The following UEVLD variants were observed in gnomAD, a reference collection of about 807,000 sequenced individuals.
The protein encoded by UEVLD is UEV and lactate/malate dehyrogenase domains, also known as ubiquitin-conjugating enzyme E2 variant 3.
Under a neutral mutation model 58.6 loss-of-function variants are expected in UEVLD, and 47 were observed. The ratio of observed to expected loss-of-function variants is 0.80; its 90% confidence interval spans 0.63 to 1.02. The LOEUF (loss-of-function observed/expected upper bound fraction) is 1.02, where lower values mean the gene tolerates loss of function less well. Ranked by LOEUF, UEVLD falls within the 50% of genes least tolerant of loss-of-function variation. UEVLD has a pLI of 0.00. For synonymous variants in UEVLD, 197 were observed against 195.3 expected, an observed-to-expected ratio of 1.01 and a Z score of -0.07; for missense variants, 510 against 550.6, an observed-to-expected ratio of 0.93 and a Z score of 0.74.
chr11:18,562,018 C>T (rs1181260600), intron 6 of UEVLD, among the ~76,000 whole-genome samples: 3 of 152,132 alleles, frequency 2.0e-5, no homozygotes, highest in Non-Finnish European at 4.4e-5. Flanking sequence ...AGTACTATCA[C>T]TGTTGCAGTC....
Position 18,553,375 on chromosome 11 carries a change from G to T in UEVLD, c.715+4853C>A, listed in dbSNP as rs573090892. Among the ~76,000 whole-genome samples the T allele has an allele frequency of 3.3e-5, 5 of 151,802 alleles. No homozygotes were observed. The South Asian group carries it at 1.0e-3, about 32-fold the overall frequency. ...AGAAAATACAGTCACTCATATGATGGAATATTATGTAGAACGTTTTCAAAG... is the reference window on the plus strand; with the variant it reads ...AGAAAATACAGTCACTCATATGATGTAATATTATGTAGAACGTTTTCAAAG... On this transcript the variant is annotated intron_variant, in intron 7 of 11. Coordinates refer to ENST00000396197, the MANE Select transcript of UEVLD (RefSeq NM_001040697.4).
rs771589846 is a variant in UEVLD, at chr11:18,530,357, T to C, written c.*1963A>G. On this transcript the variant is annotated 3_prime_UTR_variant, in exon 12 of 12. Coordinates refer to ENST00000396197, the MANE Select transcript of UEVLD (RefSeq NM_001040697.4). Reference sequence around the variant, plus strand: ...TCTGGTTGGAATCTTTCCAAGCATATTAAATAGTTTTCTGCTTTCCTAACA... The same window carrying C: ...TCTGGTTGGAATCTTTCCAAGCATACTAAATAGTTTTCTGCTTTCCTAACA... The C allele has an allele frequency of 3.3e-5, 5 of 152,238 alleles. No homozygotes were observed. The highest frequency in any genetic ancestry group is 5.9e-5 in the Non-Finnish European group (4 of 68,030). The allele number at this position is 152,238 out of a possible 1,614,324, so 9.4% of individuals were successfully genotyped here.
In UEVLD at chr11:18,570,398, A is replaced by T. The variant is rs754711793; in HGVS notation, c.194-21T>A. On this transcript the variant is annotated intron_variant, in intron 3 of 11. Transcript: ENST00000396197. ...ATTACCTATTTGAGACAAAAGAAACATATCTTCAAACAATAATAAAGCACA... is the reference window on the plus strand; with the variant it reads ...ATTACCTATTTGAGACAAAAGAAACTTATCTTCAAACAATAATAAAGCACA... The T allele has an allele frequency of 2.5e-5, 38 of 1,501,060 alleles. No individual in the cohort carries two copies. In the South Asian group the frequency reaches 3.8e-4, roughly 15 times the overall value. The allele number at this position is 1,501,060 out of a possible 1,614,324, so 93.0% of individuals were successfully genotyped here. A position where few individuals can be genotyped will look rare whatever the true frequency, so the allele number is the denominator to read the frequency against.
At chr11:18,558,750 T>G (rs1851871188) in intron 6 of UEVLD, among the ~76,000 whole-genome samples, 1 of 147,230 alleles carries the variant, frequency 6.8e-6, no homozygotes, top group African/African-American at 2.5e-5. Context: ...GTCACTGCAC[T>G]CCAGCCTGGG....
At chr11:18,573,395 C>T (rs1185818343) in intron 3 of UEVLD, among the ~76,000 whole-genome samples, 2 of 152,194 alleles carry the variant, frequency 1.3e-5, no homozygotes, top group Non-Finnish European at 2.9e-5. Flanking sequence ...CCTCCTTTCC[C>T]TAATACCCTT....
At chr11:18,579,878 TA>T (rs1199783425) in intron 1 of UEVLD, among the ~76,000 whole-genome samples, 2 of 152,076 alleles carry the variant, frequency 1.3e-5, no homozygotes, top group Non-Finnish European at 2.9e-5. Flanking sequence ...CAAGGTACAA[TA>T]CTTAGACTCT....
chr11:18,568,186 G>A (rs1455816092), intron 4 of UEVLD, among the ~76,000 whole-genome samples: 3 of 152,138 alleles, frequency 2.0e-5, no homozygotes, highest in African/African-American at 4.8e-5. Flanking sequence ...AAGAGGCTCA[G>A]AACAGTAAAA....
At chr11:18,549,867 G>A (rs988323380) in intron 7 of UEVLD, among the ~76,000 whole-genome samples, 3 of 151,062 alleles carry the variant, frequency 2.0e-5, no homozygotes, top group Non-Finnish European at 4.4e-5. Context: ...TGTCGCCCAG[G>A]CTGTAGTGCA....
At chr11:18,573,328 C>G (rs140996126) in intron 3 of UEVLD, among the ~76,000 whole-genome samples, 14 of 152,312 alleles carry the variant, frequency 9.2e-5, no homozygotes, top group African/African-American at 2.2e-4. Context: ...TAAGAATTAG[C>G]CTTTATCTCT....
At position 18,529,670 on chromosome 11, in the gene UEVLD, T is replaced by G. The variant is rs1850488237; in HGVS notation, c.*2650A>C. ...AATATTTAAGGAAAACAATGTAAAA[T>G]GGGAAAAAATGTATCTTCTGCTACA... On this transcript the variant is annotated 3_prime_UTR_variant, in exon 12 of 12. Transcript: ENST00000396197. 6.6e-6 allele frequency: 1 copy of G among 152,188 alleles called. No individual in the cohort carries two copies. Among genetic ancestry groups the G allele is most frequent in the African/African-American group, 2.4e-5 (1 of 41,448 alleles). 9.4% of individuals were successfully genotyped at this position (152,188 alleles called of 1,614,324 possible).
intron 8 of UEVLD, 49 bp from the exon 9 acceptor site, chr11:18,544,845 C>A: frequency 7.3e-7 from 1 of 1,372,804 alleles, no homozygotes; most frequent in Non-Finnish European, 9.7e-7. Flanking sequence ...AAAATATATA[C>A]TTCTAGCCTA....
intron 9 of UEVLD, among the ~76,000 whole-genome samples, chr11:18,536,919 G>C (rs1019569739): frequency 7.8e-6 from 1 of 127,472 alleles, no homozygotes; most frequent in African/African-American, 2.9e-5. Context: ...TTTTTCAGAT[G>C]GAGTCTTGCT....
rs1851957819 is a variant in UEVLD, at chr11:18,560,124, C to CAT, written c.613-1795_613-1794insAT. ...ACACACACACACACACACACACACA[C>CAT]ACACACACACACACAGAGAGAGAAA... On this transcript the variant is annotated intron_variant, in intron 6 of 11. Coordinates refer to ENST00000396197, the MANE Select transcript of UEVLD (RefSeq NM_001040697.4). 7.0e-5 allele frequency among the ~76,000 whole-genome samples: 6 copies of CAT among 85,672 alleles called. No homozygotes were observed. In the South Asian group the frequency reaches 2.6e-3, roughly 37 times the overall value. 56.2% of individuals were successfully genotyped at this position (85,672 alleles called of 152,430 possible). A position where few individuals can be genotyped will look rare whatever the true frequency, so the allele number is the denominator to read the frequency against.
rs150035575 is a variant in UEVLD at position 18,567,601 on chromosome 11, A to C, written c.358-1119T>G. On this transcript the variant is annotated intron_variant, in intron 4 of 11. Transcript: ENST00000396197. ...CATGCCAATAGGCATTCAAATTTAC[A>C]TTAAGAACAAAACAAAACAAGGTAA... 1.6e-3 allele frequency among the ~76,000 whole-genome samples: 250 copies of C among 152,364 alleles called. 1 individual carries two copies. Among genetic ancestry groups the C allele is most frequent in the Non-Finnish European group, 3.2e-3 (215 of 68,036 alleles).
rs561229961 is a variant in UEVLD at position 18,547,205 on chromosome 11, G to A, written c.716-155C>T. ...AGATCCACAAAAGCATATAAAATGC[G>A]GAGGTTTGCCTCCAAAAAGAGGATT... is the stretch of plus-strand genomic sequence containing the variant. On this transcript the variant is annotated intron_variant, in intron 7 of 11. Coordinates refer to ENST00000396197, the MANE Select transcript of UEVLD (RefSeq NM_001040697.4). Among the ~76,000 whole-genome samples the A allele has an allele frequency of 5.3e-5, 8 of 152,282 alleles. No individual in the cohort carries two copies. The East Asian group carries it at 5.8e-4, about 11-fold the overall frequency.
intron 5 of UEVLD, among the ~76,000 whole-genome samples, chr11:18,565,771 T>A (rs527904527): frequency 6.6e-6 from 1 of 151,982 alleles, no homozygotes; most frequent in African/African-American, 2.4e-5. Flanking sequence ...TGAGCCCATA[T>A]GGTACCACTG....
chr11:18,532,356 G>A lies in UEVLD; in HGVS notation c.1380C>T (p.Ser460=). Residue 460 remains serine, a synonymous_variant, in exon 12 of 12, where the codon TCC becomes TCT. Coordinates refer to ENST00000396197, the MANE Select transcript of UEVLD (RefSeq NM_001040697.4). ...ACTGTTGTTGGAGACTGTGGATTGA[G>A]GATGCACTGCTTTGGAGTTTCTCAG... ...TVTEKLQSSA[S]SIHSLQQQLK... is the part of the protein sequence containing the mutation. The A allele has an allele frequency of 6.2e-7, 1 of 1,612,308 alleles. No homozygotes were observed. The highest frequency in any genetic ancestry group is 8.5e-7 in the Non-Finnish European group (1 of 1,179,320).
chr11:18,585,906 A>G (rs1016124416), intron 1 of UEVLD, among the ~76,000 whole-genome samples: 1 of 152,202 alleles, frequency 6.6e-6, no homozygotes, highest in Admixed American at 6.5e-5. Flanking sequence ...AAGTGCTGGG[A>G]TTAGAGGCGT....
chr11:18,574,533 A>G (rs1444366928), intron 3 of UEVLD, among the ~76,000 whole-genome samples: 2 of 152,246 alleles, frequency 1.3e-5, no homozygotes, highest in African/African-American at 4.8e-5. Context: ...CATACTATAT[A>G]TAAGCAACCT....
Sources: allele counts gnomAD v4.1 joint callset (sites outside exome capture counted in the v4.1 genomes callset), GRCh38; gene constraint gnomAD v4.1.1; transcripts MANE v1.5; gene names NCBI Gene and HGNC (gene_info 2026-07-23, HGNC 2026-07-21).